Variants in GJB7 observed in about 807,000 individuals in gnomAD.
The protein encoded by GJB7 is gap junction protein beta 7.
For missense variants in GJB7, 253 were observed against 256.8 expected (o/e 0.99, Z 0.10); for synonymous variants, 87 against 95.2 (o/e 0.91, Z 0.50).
At chr6:87,321,017 G>A (rs1443206132) in intron 2 of GJB7, among the ~76,000 whole-genome samples, 4 of 152,100 alleles carry the variant, frequency 2.6e-5, no homozygotes, top group Admixed American at 6.5e-5. Context: ...TCAGGAGTTC[G>A]AGACCAGCCT....
At chr6:87,307,165 A>C (rs1301918095) in intron 2 of GJB7, among the ~76,000 whole-genome samples, 2 of 151,814 alleles carry the variant, frequency 1.3e-5, no homozygotes, top group Non-Finnish European at 2.9e-5. Flanking sequence ...CCTAAAACTT[A>C]AAGTATAATA....
At chr6:87,291,174 A>G (rs1005155267) in intron 2 of GJB7, among the ~76,000 whole-genome samples, 16 of 152,072 alleles carry the variant, frequency 1.1e-4, no homozygotes, top group African/African-American at 3.9e-4. Context: ...CAGCAACATG[A>G]TGTCTTTTGT....
chr6:87,327,520 G>A (rs1193850452), intron 1 of GJB7, among the ~76,000 whole-genome samples: 4 of 149,702 alleles, frequency 2.7e-5, no homozygotes, highest in Non-Finnish European at 6.0e-5. Context: ...ATGAAGCTTA[G>A]TTTGGCTGGA....
At chr6:87,326,135 C>T (rs993678550) in intron 1 of GJB7, among the ~76,000 whole-genome samples, 59 of 152,142 alleles carry the variant, frequency 3.9e-4, no homozygotes, top group Non-Finnish European at 6.2e-4. Context: ...TTTTTTATTG[C>T]GTCTATTTGA....
intron 2 of GJB7, chr6:87,298,699 A>T: frequency 5.5e-6 from 1 of 183,044 alleles, no homozygotes. Context: ...AAAACCATGG[A>T]AATGGGCTCG....
chr6:87,290,374 A>G (rs1776146595), intron 2 of GJB7, among the ~76,000 whole-genome samples: 1 of 151,996 alleles, frequency 6.6e-6, no homozygotes. Flanking sequence ...GCATCTTTCC[A>G]TCTCTGAGTC....
At position 87,284,613 on chromosome 6, in the gene GJB7, A is replaced by T. The variant is rs1245707616; in HGVS notation, c.300T>A (p.Gly100=). Residue 100 remains glycine (G), a synonymous_variant, in exon 3 of 3, where the codon GGT becomes GGA. Transcript: ENST00000525899. ...GTTTCTTTCTGTGCCTTTTCTCTCT[A>T]CCCTCATGATAGGCTACATGTAAAA... is the stretch of plus-strand genomic sequence containing the variant. ...LVVLHVAYHE[G]REKRHRKKLY... 1 of 1,614,064 alleles carries T rather than the reference A, an allele frequency of 6.2e-7. No individual in the cohort carries two copies.
At chr6:87,324,094 G>C (rs1165905758) in intron 1 of GJB7, among the ~76,000 whole-genome samples, 1 of 151,606 alleles carries the variant, frequency 6.6e-6, no homozygotes. Context: ...GTCTGTTCAT[G>C]TCCTTCGCCC....
At chr6:87,328,041 T>A (rs1287485050) in intron 1 of GJB7, among the ~76,000 whole-genome samples, 2 of 152,190 alleles carry the variant, frequency 1.3e-5, no homozygotes, top group African/African-American at 4.8e-5. Flanking sequence ...TTCCAGTTGA[T>A]CGCATCAGCT....
chr6:87,323,987 C>T (rs937601926), intron 1 of GJB7, among the ~76,000 whole-genome samples: 13 of 150,418 alleles, frequency 8.6e-5, no homozygotes, highest in Non-Finnish European at 1.3e-4. Flanking sequence ...GAGATGGTAT[C>T]TCATTGTGGT....
At chr6:87,290,613 G>A (rs929069211) in intron 2 of GJB7, among the ~76,000 whole-genome samples, 5 of 152,148 alleles carry the variant, frequency 3.3e-5, no homozygotes, top group Non-Finnish European at 5.9e-5. Context: ...AAAGCTGAAT[G>A]ACCAGCTCAT....
chr6:87,297,763 T>C (rs1776267113), intron 2 of GJB7, among the ~76,000 whole-genome samples: 1 of 152,216 alleles, frequency 6.6e-6, no homozygotes, highest in African/African-American at 2.4e-5. Flanking sequence ...CAGGAGCTTC[T>C]AGTAGGATGA....
chr6:87,287,418 T>C (rs910118427), intron 2 of GJB7, among the ~76,000 whole-genome samples: 5 of 152,150 alleles, frequency 3.3e-5, no homozygotes. Flanking sequence ...GGAAGCAATA[T>C]AGAGCAAGCC....
chr6:87,317,127 G>T (rs527411557), intron 2 of GJB7, among the ~76,000 whole-genome samples: 37 of 151,786 alleles, frequency 2.4e-4, no homozygotes, highest in African/African-American at 8.9e-4. Flanking sequence ...GGCTGAGGTG[G>T]ATGGATCAGT....
chr6:87,303,623 G>A lies in GJB7; in HGVS notation c.-27-18684C>T, dbSNP rs1364879161. On this transcript the variant is annotated intron_variant, in intron 2 of 2. Transcript: ENST00000525899. ...CAATATTACACAGATCAATGAGACAGAAAATTAACAAGGATATCCAGGAAC... is the reference window on the plus strand; with the variant it reads ...CAATATTACACAGATCAATGAGACAAAAAATTAACAAGGATATCCAGGAAC... Among the ~76,000 whole-genome samples, 11 of 152,306 alleles carry A rather than the reference G, an allele frequency of 7.2e-5. No individual in the cohort carries two copies. In the East Asian group the frequency reaches 1.9e-3, roughly 27 times the overall value.
At chr6:87,304,502 A>G (rs1417925879) in intron 2 of GJB7, among the ~76,000 whole-genome samples, 1 of 152,234 alleles carries the variant, frequency 6.6e-6, no homozygotes, top group African/African-American at 2.4e-5. Context: ...GAATAGACCA[A>G]TAACAGGCTC....
At chr6:87,320,421 G>C (rs1776639178) in intron 2 of GJB7, among the ~76,000 whole-genome samples, 1 of 152,032 alleles carries the variant, frequency 6.6e-6, no homozygotes. Flanking sequence ...CCAAAATATT[G>C]GTACCTTCTA....
At chr6:87,307,693 T>G (rs1211271752) in intron 2 of GJB7, among the ~76,000 whole-genome samples, 2 of 152,076 alleles carry the variant, frequency 1.3e-5, no homozygotes, top group African/African-American at 4.8e-5. Flanking sequence ...CTCACACCAG[T>G]TAGAATGGCC....
At chr6:87,315,998 A>G (rs1209712466) in intron 2 of GJB7, among the ~76,000 whole-genome samples, 1 of 152,094 alleles carries the variant, frequency 6.6e-6, no homozygotes, top group East Asian at 1.9e-4. Context: ...CAACTGAAAT[A>G]ACAGGTGTGT....
Sources: gnomAD v4.1 joint callset for allele counts (sites outside exome capture counted in the v4.1 genomes callset) on GRCh38, gnomAD v4.1.1 for gene constraint, MANE v1.5 for transcripts, NCBI Gene and HGNC (gene_info 2026-07-23, HGNC 2026-07-21) for gene names.